The following MAST1 variants were observed in gnomAD, a reference collection of about 807,000 sequenced individuals.
MAST1 encodes the protein microtubule associated serine/threonine kinase 1, also known as microtubule-associated serine/threonine-protein kinase 1.
In MAST1, 40 loss-of-function variants were observed where a neutral mutation model predicts 124.6. The observed-to-expected ratio is 0.32, with a 90% CI of 0.25 to 0.42. The LOEUF (loss-of-function observed/expected upper bound fraction) is 0.42. Ranked by LOEUF, MAST1 falls within the 10% of genes least tolerant of loss-of-function variation. The pLI is 1.00. For missense variants in MAST1, 1,558 were observed against 2,181.9 expected, an observed-to-expected ratio of 0.71 and a Z score of 5.70; for synonymous variants, 938 against 939.4, an observed-to-expected ratio of 1.00 and a Z score of 0.03.
Position 12,867,664 on chromosome 19 carries a change from A to T in MAST1, c.2318+12A>T. The T allele has an allele frequency of 1.3e-6, 2 of 1,566,354 alleles. No homozygotes were observed. The highest frequency in any genetic ancestry group is 1.7e-6 in the Non-Finnish European group (2 of 1,156,692). On this transcript the variant is annotated intron_variant, in intron 19 of 25. Transcript: ENST00000251472. ...GGCTCTCCGGAGATGTGAGCAGGGGAATGGCGGAGTTTGGGGGCGGGGTCG... is the reference window on the plus strand; with the variant it reads ...GGCTCTCCGGAGATGTGAGCAGGGGTATGGCGGAGTTTGGGGGCGGGGTCG...
At chr19:12,852,305 G>A (rs1378021574) in intron 9 of MAST1, 23 bp from the exon 10 acceptor site, 4 of 1,614,132 alleles carry the variant, frequency 2.5e-6, no homozygotes, top group Non-Finnish European at 3.4e-6. Context: ...CCCAGCTCGT[G>A]CTCACTCTCA....
chr19:12,840,898 C>T (rs1316031198), intron 2 of MAST1, 93 bp from the exon 3 acceptor site: 1 of 781,156 alleles, frequency 1.3e-6, no homozygotes, highest in Non-Finnish European at 2.4e-6. Context: ...CCATAATAGG[C>T]GGGACTAGAC....
intron 12 of MAST1, among the ~76,000 whole-genome samples, chr19:12,862,645 T>G (rs1195945409): frequency 6.6e-6 from 1 of 151,398 alleles, no homozygotes; most frequent in Non-Finnish European, 1.5e-5. Context: ...GTTGTTGTTG[T>G]TTTTTTCTTT....
At chr19:12,849,804 T>A (rs550160064) in intron 7 of MAST1, among the ~76,000 whole-genome samples, 18 of 152,204 alleles carry the variant, frequency 1.2e-4, no homozygotes, top group East Asian at 3.9e-4. Flanking sequence ...TTATTTATTT[T>A]ATTTTTTTTG....
chr19:12,846,854 G>A (rs889700251), intron 4 of MAST1, among the ~76,000 whole-genome samples: 1 of 77,654 alleles, frequency 1.3e-5, no homozygotes, highest in African/African-American at 5.5e-5. Flanking sequence ...TAGGCAACAA[G>A]AACGAAACTC....
At chr19:12,871,309 C>T in intron 24 of MAST1, 137 bp downstream of exon 24, 1 of 1,330,598 alleles carries the variant, frequency 7.5e-7, no homozygotes. Flanking sequence ...GGGAAGAGGA[C>T]AATTAAGAGG....
rs1334145268 is a variant in MAST1 at position 12,843,743 on chromosome 19, G to A, written c.327+136G>A. ...GGGCCAGGCTCAGTGACTCAAGCCT[G>A]TAATCCCAGTACTTTGGGAGGCCAA... On this transcript the variant is annotated intron_variant, in intron 4 of 25. Transcript: ENST00000251472. This position sits in a 1 kb window ranked among gnomAD's most constrained non-coding sequence, Gnocchi z 4.9. The A allele has an allele frequency of 2.9e-6, 2 of 699,168 alleles. No homozygotes were observed. The highest frequency in any genetic ancestry group is 4.7e-6 in the Non-Finnish European group (2 of 421,084). The allele number at this position is 699,168 out of a possible 1,614,324, so 43.3% of individuals were successfully genotyped here. A position where few individuals can be genotyped will look rare whatever the true frequency, so the allele number is the denominator to read the frequency against.
At chr19:12,848,197 G>T (rs1420530265) in intron 7 of MAST1, 140 bp downstream of exon 7, 4 of 735,926 alleles carry the variant, frequency 5.4e-6, no homozygotes, top group African/African-American at 5.3e-5. Flanking sequence ...GGACTCAGGG[G>T]TGGAAGTGGT....
chr19:12,846,809 C>T (rs1255984388), intron 4 of MAST1, among the ~76,000 whole-genome samples: 1 of 129,560 alleles, frequency 7.7e-6, no homozygotes, highest in African/African-American at 3.0e-5. Flanking sequence ...ACGCGGGAGG[C>T]GGAGGTTGCA....
At chr19:12,861,891 TG>T (rs1970088298) in intron 12 of MAST1, among the ~76,000 whole-genome samples, 1 of 151,362 alleles carries the variant, frequency 6.6e-6, no homozygotes, top group Non-Finnish European at 1.5e-5. Context: ...TTAGTAGAGA[TG>T]GGGTTTCATC....
At position 12,866,704 on chromosome 19, in the gene MAST1, CGGA is replaced by C. The variant is rs760487495; in HGVS notation, c.2089_2091del (p.Glu697del). ...AACTCCTATGACGAGGATGACACGA[CGGA>C]GGAGGAGCCCGTGGAAATCCGCCAG... On this transcript the variant is annotated inframe_deletion, in exon 18 of 26. Coordinates refer to ENST00000251472, the MANE Select transcript of MAST1 (RefSeq NM_014975.3). The surrounding 1 kb of genome is among the most constrained non-coding windows in gnomAD (Gnocchi z 5.2). The C allele has an allele frequency of 5.6e-6, 9 of 1,613,946 alleles. No homozygotes were observed. The highest frequency in any genetic ancestry group is 7.6e-6 in the Non-Finnish European group (9 of 1,179,978).
intron 18 of MAST1, among the ~76,000 whole-genome samples, chr19:12,867,184 C>T (rs575758670): frequency 8.5e-4 from 129 of 152,146 alleles, no homozygotes; most frequent in Non-Finnish European, 1.4e-3. Context: ...CAGGGCCTAG[C>T]CTGGGCTAAG....
Position 12,841,924 on chromosome 19 carries a change from G to T in MAST1, c.248+858G>T, listed in dbSNP as rs933175968. 6.6e-6 allele frequency among the ~76,000 whole-genome samples: 1 copy of T among 152,168 alleles called. No homozygotes were observed. Among genetic ancestry groups the T allele is most frequent in the African/African-American group, 2.4e-5 (1 of 41,430 alleles). ...GAGCCAGGACAAGGCTCTGGGATAG[G>T]GTCTCACATGTTTATCCGCAAGCGG... is the stretch of plus-strand genomic sequence containing the variant. On this transcript the variant is annotated intron_variant, in intron 3 of 25. Coordinates refer to ENST00000251472, the MANE Select transcript of MAST1 (RefSeq NM_014975.3). This position sits in a 1 kb window ranked among gnomAD's most constrained non-coding sequence, Gnocchi z 4.3.
chr19:12,844,413 G>A (rs1969867059), intron 4 of MAST1, among the ~76,000 whole-genome samples: 1 of 152,212 alleles, frequency 6.6e-6, no homozygotes, highest in African/African-American at 2.4e-5. Context: ...GGGCCAGAGT[G>A]TAAATATTCA....
chr19:12,855,940 A>AT (rs34217759), intron 10 of MAST1, among the ~76,000 whole-genome samples: 31,801 of 137,744 alleles, frequency 0.23, 3,931 homozygotes, highest in East Asian at 0.57. Flanking sequence ...AATTCTGTCA[A>AT]TTTTTTTTTT....
Position 12,868,801 on chromosome 19 carries a change from G to T in MAST1, c.2725G>T (p.Val909Phe). ...EKRPSRTGGK[V>F]IKSASATALS... is the part of the protein sequence containing the mutation. Reference sequence around the variant, plus strand: ...GAGGCCTTCTCGAACTGGGGGCAAAGTCATCAAATCAGCCTCAGCCACTGC... The same window carrying T: ...GAGGCCTTCTCGAACTGGGGGCAAATTCATCAAATCAGCCTCAGCCACTGC... Residue 909 changes from valine to phenylalanine, a missense_variant, in exon 21 of 26, where the codon GTC becomes TTC. By Grantham distance (50) the Val-to-Phe change is conservative (BLOSUM62 -1). Coordinates refer to ENST00000251472, the MANE Select transcript of MAST1 (RefSeq NM_014975.3). 1 of 1,605,570 alleles carries T rather than the reference G, an allele frequency of 6.2e-7. No homozygotes were observed. Among genetic ancestry groups the T allele is most frequent in the Middle Eastern group, 1.7e-4 (1 of 6,026 alleles).
intron 10 of MAST1, among the ~76,000 whole-genome samples, chr19:12,855,454 T>G (rs951338222): frequency 6.6e-6 from 1 of 152,002 alleles, no homozygotes; most frequent in Non-Finnish European, 1.5e-5. Flanking sequence ...AGACCCTGTC[T>G]CTACTTAAAA....
chr19:12,856,527 C>T (rs1970019723), intron 10 of MAST1, among the ~76,000 whole-genome samples: 1 of 152,168 alleles, frequency 6.6e-6, no homozygotes, highest in African/African-American at 2.4e-5. Context: ...TGGTCTCGAA[C>T]TCCTGACCTT....
At chr19:12,871,300 G>C (rs1970231127) in intron 24 of MAST1, 128 bp downstream of exon 24, 10 of 1,387,638 alleles carry the variant, frequency 7.2e-6, no homozygotes, top group Non-Finnish European at 9.8e-6. Context: ...ACAAGCAAAG[G>C]GAAGAGGACA....
Sources: gnomAD v4.1 joint callset for allele counts (sites outside exome capture counted in the v4.1 genomes callset) on GRCh38, gnomAD v4.1.1 for gene constraint, Gnocchi (gnomAD v3.1) non-coding constraint, MANE v1.5 for transcripts, NCBI Gene and HGNC (gene_info 2026-07-23, HGNC 2026-07-21) for gene names.